SERGEF: variants seen among roughly 807,000 people sequenced by gnomAD.
The protein encoded by SERGEF is secretion regulating guanine nucleotide exchange factor, also known as secretion-regulating guanine nucleotide exchange factor.
Under a neutral mutation model 50.0 loss-of-function variants are expected in SERGEF, and 51 were observed. That is an observed-to-expected ratio of 1.02 (90% confidence interval 0.81 to 1.29). The LOEUF (loss-of-function observed/expected upper bound fraction) is 1.29, where lower values mean the gene tolerates loss of function less well. SERGEF is among the 50% of genes most tolerant of loss of function. The probability of loss-of-function intolerance (pLI) is 0.00; values close to 1 mark genes in which losing one functional copy is unlikely to be tolerated. For missense variants in SERGEF, 521 were observed against 557.0 expected (o/e 0.94, Z 0.65); for synonymous variants, 205 against 212.4 (o/e 0.97, Z 0.30).
intron 10 of SERGEF, among the ~76,000 whole-genome samples, chr11:17,844,707 C>G (rs1485507435): frequency 6.6e-6 from 1 of 152,174 alleles, no homozygotes; most frequent in Non-Finnish European, 1.5e-5. Context: ...CTTTGCCTCA[C>G]AAGAGCATCA....
chr11:18,004,372 G>A, intron 4 of SERGEF, 69 bp downstream of exon 4: 1 of 1,133,648 alleles, frequency 8.8e-7, no homozygotes, highest in South Asian at 1.4e-5. Context: ...TTATTCTGGG[G>A]AGAGATAGGT....
chr11:17,803,849 T>C (rs1849712278), intron 10 of SERGEF, among the ~76,000 whole-genome samples: 1 of 152,228 alleles, frequency 6.6e-6, no homozygotes, highest in South Asian at 2.1e-4. Context: ...TAGGTAACAT[T>C]TGACACAAGT....
intron 10 of SERGEF, among the ~76,000 whole-genome samples, chr11:17,813,212 GTGTGAGGACCAGAGA>G (rs1195264065): frequency 6.6e-6 from 1 of 152,178 alleles, no homozygotes; most frequent in Non-Finnish European, 1.5e-5. Flanking sequence ...CACGAAGCTG[GTGTGAGGACCAGAGA>G]TGATGAATGG....
At chr11:17,981,329 G>A (rs1193784007) in intron 8 of SERGEF, among the ~76,000 whole-genome samples, 1 of 152,146 alleles carries the variant, frequency 6.6e-6, no homozygotes, top group East Asian at 1.9e-4. Flanking sequence ...CCTTCCAATT[G>A]CTTGCCGAAA....
rs762857673 is a variant in SERGEF, at chr11:18,006,637, G to T, written c.306C>A (p.Pro102=). The change falls in exon 3 of 11, where the codon CCC becomes CCA. Residue 102 remains proline, a synonymous_variant. Coordinates refer to ENST00000265965, the MANE Select transcript of SERGEF (RefSeq NM_012139.4). ...CCCAGCCACAGGCCACCTGTTGGAT[G>T]GGACAGCCAAAGAGGGATTTGCAGG... ...FTPCKSLFGC[P]IQQVACGWDF... 4 of 1,614,110 alleles carry T rather than the reference G, an allele frequency of 2.5e-6. No individual in the cohort carries two copies. In the Admixed American group the frequency reaches 5.0e-5, roughly 20 times the overall value.
At chr11:17,904,822 A>G (rs1010696) in intron 9 of SERGEF, among the ~76,000 whole-genome samples, 9,061 of 152,216 alleles carry the variant, frequency 0.06, 896 homozygotes, top group African/African-American at 0.21. Context: ...AATGCAGTGC[A>G]AGACAGAAAC....
At chr11:17,900,619 C>T (rs1320047794) in intron 9 of SERGEF, among the ~76,000 whole-genome samples, 3 of 152,134 alleles carry the variant, frequency 2.0e-5, no homozygotes, top group Admixed American at 1.3e-4. Flanking sequence ...AGGGGATTAG[C>T]GGAGAAGTAC....
intron 8 of SERGEF, among the ~76,000 whole-genome samples, chr11:17,962,208 G>C (rs1024260864): frequency 6.6e-6 from 1 of 152,122 alleles, no homozygotes; most frequent in South Asian, 2.1e-4. Context: ...CAGATTAAAT[G>C]GATATGCTCT....
chr11:17,810,512 A>T (rs780023084), intron 10 of SERGEF, among the ~76,000 whole-genome samples: 5 of 152,192 alleles, frequency 3.3e-5, no homozygotes, highest in Non-Finnish European at 7.3e-5. Flanking sequence ...AACCCTCAAA[A>T]TTCTACCGAA....
At chr11:17,867,310 A>G (rs1273877061) in intron 10 of SERGEF, among the ~76,000 whole-genome samples, 1 of 152,272 alleles carries the variant, frequency 6.6e-6, no homozygotes, top group Non-Finnish European at 1.5e-5. Flanking sequence ...GAAATTGGCC[A>G]AAACAAAGGG....
chr11:17,827,644 G>A (rs957930399), intron 10 of SERGEF, among the ~76,000 whole-genome samples: 1 of 152,092 alleles, frequency 6.6e-6, no homozygotes, highest in Non-Finnish European at 1.5e-5. Flanking sequence ...ACCTCTCGCC[G>A]CATCACTGAA....
intron 8 of SERGEF, among the ~76,000 whole-genome samples, chr11:17,973,312 A>G (rs923889637): frequency 2.0e-5 from 3 of 152,222 alleles, no homozygotes; most frequent in African/African-American, 7.2e-5. Flanking sequence ...GAGCCAGTGA[A>G]TTCTGCAAAG....
intron 9 of SERGEF, among the ~76,000 whole-genome samples, chr11:17,886,571 A>ATACCAC (rs1167130009): frequency 2.6e-5 from 4 of 152,122 alleles, no homozygotes; most frequent in Non-Finnish European, 5.9e-5. Flanking sequence ...AACCGAGATC[A>ATACCAC]TACCACTGTA....
intron 9 of SERGEF, among the ~76,000 whole-genome samples, chr11:17,956,553 T>G (rs764790645): frequency 6.6e-6 from 1 of 152,178 alleles, no homozygotes; most frequent in Non-Finnish European, 1.5e-5. Flanking sequence ...AATAACTTTG[T>G]GTTTCTTTGC....
chr11:17,959,710 G>A (rs1477380176), intron 8 of SERGEF, 74 bp from the exon 9 acceptor site: 2 of 1,322,360 alleles, frequency 1.5e-6, no homozygotes, highest in Non-Finnish European at 2.1e-6. Flanking sequence ...TGAATTACAA[G>A]AGAAAGTGTG....
intron 9 of SERGEF, among the ~76,000 whole-genome samples, chr11:17,933,167 T>C (rs1852387013): frequency 6.6e-6 from 1 of 152,176 alleles, no homozygotes; most frequent in Non-Finnish European, 1.5e-5. Flanking sequence ...TAGAGATGAT[T>C]TGAGGTTCTA....
intron 8 of SERGEF, among the ~76,000 whole-genome samples, chr11:17,986,522 A>C (rs1028362375): frequency 2.0e-5 from 3 of 152,254 alleles, no homozygotes; most frequent in Non-Finnish European, 4.4e-5. Flanking sequence ...GGGGTGACTC[A>C]GACAGTGTCA....
At chr11:18,001,453 T>G (rs916792774) in intron 4 of SERGEF, among the ~76,000 whole-genome samples, 9 of 152,222 alleles carry the variant, frequency 5.9e-5, no homozygotes, top group African/African-American at 1.4e-4. Context: ...CCAGATGCTA[T>G]GTCTGAAAAG....
At chr11:17,849,943 G>A (rs1463930995) in intron 10 of SERGEF, among the ~76,000 whole-genome samples, 1 of 151,978 alleles carries the variant, frequency 6.6e-6, no homozygotes, top group African/African-American at 2.4e-5. Context: ...ATCTTCTCCT[G>A]GTCTTTTTTT....
Sources: allele counts gnomAD v4.1 joint callset (sites outside exome capture counted in the v4.1 genomes callset), GRCh38; gene constraint gnomAD v4.1.1; transcripts MANE v1.5; gene names NCBI Gene and HGNC (gene_info 2026-07-23, HGNC 2026-07-21).